KCTD10: variants seen among roughly 807,000 people sequenced by gnomAD.
KCTD10 encodes potassium channel tetramerization domain containing 10, also known as BTB/POZ domain-containing adapter for CUL3-mediated RhoA degradation protein 3.
In KCTD10, 13 loss-of-function variants were observed where a neutral mutation model predicts 34.6. The ratio of observed to expected loss-of-function variants is 0.38; its 90% CI spans 0.24 to 0.60. The LOEUF (loss-of-function observed/expected upper bound fraction) is 0.60. Ranked by LOEUF, KCTD10 falls within the 20% of genes least tolerant of loss-of-function variation. The pLI is 0.66. For missense variants in KCTD10, 256 were observed against 420.3 expected (o/e 0.61, Z 3.42); for synonymous variants, 156 against 168.8 (o/e 0.92, Z 0.59).
chr12:109,474,809 A>C (rs1023981651), intron 1 of KCTD10, among the ~76,000 whole-genome samples: 3 of 152,160 alleles, frequency 2.0e-5, no homozygotes, highest in Non-Finnish European at 4.4e-5. Context: ...AAAATCATCG[A>C]CTGAAAAGGA....
Position 109,451,575 on chromosome 12 carries a change from C to T in KCTD10, c.*20G>A, listed in dbSNP as rs190527405. Reference sequence around the variant, plus strand: ...GGGAGTGGGGGCGGTGAGAGGAGGGCGGCTCGGTCTCTTGCCTGCTCACTG... The same window carrying T: ...GGGAGTGGGGGCGGTGAGAGGAGGGTGGCTCGGTCTCTTGCCTGCTCACTG... On this transcript the variant is annotated 3_prime_UTR_variant, in exon 7 of 7. Coordinates refer to ENST00000228495, the MANE Select transcript of KCTD10 (RefSeq NM_031954.5). The surrounding 1 kb of genome is among the most constrained non-coding windows in gnomAD (Gnocchi z 5.0). The T allele has an allele frequency of 3.8e-6, 6 of 1,586,200 alleles. No individual in the cohort carries two copies. The highest frequency in any genetic ancestry group is 4.5e-5 in the East Asian group (2 of 44,376).
chr12:109,461,066 A>G (rs1283366099), intron 2 of KCTD10, among the ~76,000 whole-genome samples: 3 of 152,218 alleles, frequency 2.0e-5, no homozygotes, highest in Non-Finnish European at 4.4e-5. Flanking sequence ...CTTGAGGCCC[A>G]AAAGTACACT....
At chr12:109,454,508 C>G (rs1463377969) in intron 6 of KCTD10, among the ~76,000 whole-genome samples, 1 of 152,136 alleles carries the variant, frequency 6.6e-6, no homozygotes, top group Non-Finnish European at 1.5e-5. Flanking sequence ...GTAGAAGGAC[C>G]ACTTGAGGCC....
chr12:109,452,782 G>T (rs1282521461), intron 6 of KCTD10, among the ~76,000 whole-genome samples: 1 of 151,582 alleles, frequency 6.6e-6, no homozygotes, highest in East Asian at 1.9e-4. Flanking sequence ...GGTCTCTAGT[G>T]GCCAGGGAGG....
At position 109,450,283 on chromosome 12, in the gene KCTD10, G is replaced by A. The variant is rs536262245; in HGVS notation, c.*1312C>T. ...CTCCTGTTCCTTTGCAGGTGCAGAG[G>A]AGCCTGGGAGGTAGGTCACTGAGAA... On this transcript the variant is annotated 3_prime_UTR_variant, in exon 7 of 7. Coordinates refer to ENST00000228495, the MANE Select transcript of KCTD10 (RefSeq NM_031954.5). 1.2e-4 allele frequency: 46 copies of A among 398,534 alleles called. No homozygotes were observed. Among genetic ancestry groups the A allele is most frequent in the Non-Finnish European group, 1.9e-4 (43 of 226,124 alleles). 24.7% of individuals were successfully genotyped at this position (398,534 alleles called of 1,614,324 possible).
chr12:109,470,577 G>A, intron 1 of KCTD10: 1 of 985,460 alleles, frequency 1.0e-6, no homozygotes, highest in South Asian at 4.7e-5. Context: ...AGATGTGCAA[G>A]GGTGGGCAGA....
intron 2 of KCTD10, among the ~76,000 whole-genome samples, chr12:109,464,582 T>C (rs1873503889): frequency 6.6e-6 from 1 of 152,192 alleles, no homozygotes; most frequent in African/African-American, 2.4e-5. Context: ...TGGGAGAAGA[T>C]ATTTGCAGCA....
chr12:109,469,759 A>G, intron 1 of KCTD10, 31 bp from the exon 2 acceptor site: 1 of 1,611,014 alleles, frequency 6.2e-7, no homozygotes, highest in Non-Finnish European at 8.5e-7. Context: ...GGGTCATGAC[A>G]TCAGGCCTGG....
intron 1 of KCTD10, among the ~76,000 whole-genome samples, chr12:109,474,012 C>T (rs1874024670): frequency 6.6e-6 from 1 of 152,078 alleles, no homozygotes; most frequent in Non-Finnish European, 1.5e-5. Context: ...AACTCCTGAC[C>T]TCAGGTGATC....
intron 1 of KCTD10, chr12:109,470,123 T>C: frequency 9.7e-7 from 1 of 1,028,172 alleles, no homozygotes; most frequent in Non-Finnish European, 1.2e-6. Flanking sequence ...CCTGTATACA[T>C]GAACACCCTG....
At chr12:109,457,895 C>T in intron 4 of KCTD10, 97 bp downstream of exon 4, 1 of 1,151,354 alleles carries the variant, frequency 8.7e-7, no homozygotes, top group Non-Finnish European at 1.3e-6. Context: ...AGGCCTCACT[C>T]AGGCAATTAT....
At chr12:109,465,707 A>G (rs1873556626) in intron 2 of KCTD10, among the ~76,000 whole-genome samples, 1 of 152,168 alleles carries the variant, frequency 6.6e-6, no homozygotes, top group East Asian at 1.9e-4. Flanking sequence ...TCACAATTTA[A>G]AAGCTCTCAG....
At chr12:109,459,632 G>C (rs903865191) in intron 3 of KCTD10, 1 of 152,326 alleles carries the variant, frequency 6.6e-6, no homozygotes, top group Non-Finnish European at 1.5e-5. Flanking sequence ...GGGAGAATGG[G>C]AGAAGGAAAA....
chr12:109,474,915 G>A (rs1874079814), intron 1 of KCTD10, among the ~76,000 whole-genome samples: 1 of 152,172 alleles, frequency 6.6e-6, no homozygotes, highest in Non-Finnish European at 1.5e-5. Context: ...CTGTGTGTGT[G>A]TTAAGGAAAA....
Position 109,469,667 on chromosome 12 carries a change from G to A in KCTD10, c.65C>T (p.Thr22Ile), listed in dbSNP as rs747033208. Residue 22 changes from threonine (T) to isoleucine (I), a missense_variant, in exon 2 of 7, where the codon ACT becomes ATT. By Grantham distance (89) the Thr-to-Ile change is moderately conservative. Coordinates refer to ENST00000228495, the MANE Select transcript of KCTD10 (RefSeq NM_031954.5). ...SAVPAAATRT[T>I]SFKGTSPSSK... Reference sequence around the variant, plus strand: ...GCTGGGGCTCGTGCCCTTGAAGGAAGTGGTGCGGGTAGCAGCCGCTGGCAC... The same window carrying A: ...GCTGGGGCTCGTGCCCTTGAAGGAAATGGTGCGGGTAGCAGCCGCTGGCAC... 6 of 1,614,252 alleles carry A rather than the reference G, an allele frequency of 3.7e-6. No individual in the cohort carries two copies. The highest frequency in any genetic ancestry group is 5.1e-6 in the Non-Finnish European group (6 of 1,180,052).
At chr12:109,469,356 T>G in intron 2 of KCTD10, 159 bp downstream of exon 2, 1 of 794,032 alleles carries the variant, frequency 1.3e-6, no homozygotes. Flanking sequence ...TTTCTCAAAG[T>G]AACATAGCAA....
chr12:109,470,582 G>C (rs1873836943), intron 1 of KCTD10: 20 of 985,284 alleles, frequency 2.0e-5, no homozygotes, highest in Non-Finnish European at 2.3e-5. Flanking sequence ...TGCAAGGGTG[G>C]GCAGAATCTT....
intron 1 of KCTD10, among the ~76,000 whole-genome samples, 192 bp downstream of exon 1, chr12:109,477,068 C>A (rs373360499): frequency 6.6e-6 from 1 of 151,976 alleles, no homozygotes. Flanking sequence ...ACCACCACCC[C>A]CGCCCCTAAT....
intron 2 of KCTD10, among the ~76,000 whole-genome samples, chr12:109,464,481 A>AC (rs1178131968): frequency 2.0e-5 from 3 of 152,208 alleles, no homozygotes; most frequent in Non-Finnish European, 4.4e-5. Context: ...TTTGGGCATC[A>AC]CTGAGGTAGA....
Sources: gnomAD v4.1 joint callset for allele counts (sites outside exome capture counted in the v4.1 genomes callset) on GRCh38, gnomAD v4.1.1 for gene constraint, Gnocchi (gnomAD v3.1) non-coding constraint, MANE v1.5 for transcripts, NCBI Gene and HGNC (gene_info 2026-07-23, HGNC 2026-07-21) for gene names.